The following PRDM11 variants were observed in gnomAD, a reference collection of about 807,000 sequenced individuals.
PRDM11 encodes PR/SET domain 11, also known as PR domain-containing protein 11.
A neutral mutation model predicts 97.8 loss-of-function variants in PRDM11; 20 were observed. The ratio of observed to expected loss-of-function variants is 0.20; its 90% CI spans 0.14 to 0.30. The LOEUF (loss-of-function observed/expected upper bound fraction) is 0.30, where lower values mean the gene tolerates loss of function less well. Among genes scored for constraint, PRDM11 ranks in the 10% least tolerant of loss-of-function variants. The pLI, the probability that PRDM11 is intolerant of heterozygous loss-of-function variation, is 1.00. For synonymous variants in PRDM11, 599 were observed against 637.7 expected (o/e 0.94, Z 0.91); for missense variants, 1,139 against 1,555.2 (o/e 0.73, Z 4.50).
chr11:45,214,372 A>C, intron 5 of PRDM11: 5 of 150,306 alleles, frequency 3.3e-5, no homozygotes, highest in East Asian at 2.0e-4. Flanking sequence ...CCCCCAGCCA[A>C]CCCCTCCACC....
rs542215475 is a variant in PRDM11, at chr11:45,229,881, G to A, written c.*1722G>A. 13 of 152,208 alleles carry A rather than the reference G, an allele frequency of 8.5e-5. No homozygotes were observed. Among genetic ancestry groups the A allele is most frequent in the Non-Finnish European group, 1.5e-5 (1 of 68,018 alleles). 9.4% of individuals were successfully genotyped at this position (152,208 alleles called of 1,614,324 possible). On this transcript the variant is annotated 3_prime_UTR_variant, in exon 8 of 8. Coordinates refer to ENST00000683152, the MANE Select transcript of PRDM11 (RefSeq NM_001384648.1). ...AGGCCCCAATGTCTTCAGCCTGCTTGGTTCAGACATTATAAAACTGTGGTG... is the reference window on the plus strand; with the variant it reads ...AGGCCCCAATGTCTTCAGCCTGCTTAGTTCAGACATTATAAAACTGTGGTG...
intron 4 of PRDM11, among the ~76,000 whole-genome samples, chr11:45,196,399 G>A (rs1422043443): frequency 6.6e-6 from 1 of 152,062 alleles, no homozygotes; most frequent in Non-Finnish European, 1.5e-5. Context: ...GGTTAACTTG[G>A]AAGACTCTTC....
chr11:45,222,654 T>A (rs1027599644), intron 6 of PRDM11, among the ~76,000 whole-genome samples: 2 of 152,168 alleles, frequency 1.3e-5, no homozygotes, highest in African/African-American at 4.8e-5. Context: ...GATAACTCCC[T>A]TTTGTGCTGT....
chr11:45,111,651 C>T (rs1227429667), intron 1 of PRDM11, among the ~76,000 whole-genome samples: 2 of 152,194 alleles, frequency 1.3e-5, no homozygotes, highest in Non-Finnish European at 2.9e-5. Context: ...GTGGGAGTGG[C>T]TTTCCTCACT....
In PRDM11 at chr11:45,227,991, G is replaced by T; in HGVS notation, c.3366G>T (p.Pro1122=). The T allele has an allele frequency of 1.3e-6, 2 of 1,533,786 alleles. No homozygotes were observed. The highest frequency in any genetic ancestry group is 1.4e-5 in the African/African-American group (1 of 73,022). ...SDLLTIAVNG[P]PITNFDAKRA... is the part of the protein sequence containing the mutation. ...TGTTGACAATCGCTGTAAACGGACC[G>T]CCAATCACCAACTTTGATGCCAAGC... The change falls in exon 8 of 8, where the codon CCG becomes CCT. Residue 1122 remains proline, a synonymous_variant. Coordinates refer to ENST00000683152, the MANE Select transcript of PRDM11 (RefSeq NM_001384648.1). This position sits in a 1 kb window ranked among gnomAD's most constrained non-coding sequence, Gnocchi z 8.0.
chr11:45,131,811 G>T (rs537471367), intron 1 of PRDM11, among the ~76,000 whole-genome samples: 1 of 152,332 alleles, frequency 6.6e-6, no homozygotes, highest in East Asian at 1.9e-4. Context: ...AATAAGGGCA[G>T]ATTATTATCT....
chr11:45,119,925 T>G (rs564261434), intron 1 of PRDM11, among the ~76,000 whole-genome samples: 2 of 152,258 alleles, frequency 1.3e-5, no homozygotes, highest in African/African-American at 4.8e-5. Context: ...CTGACCCAGT[T>G]ACTGGAGTTA....
At chr11:45,154,294 T>C (rs1006697811) in intron 1 of PRDM11, among the ~76,000 whole-genome samples, 4 of 152,152 alleles carry the variant, frequency 2.6e-5, no homozygotes, top group African/African-American at 9.7e-5. Flanking sequence ...AGATCGAGGC[T>C]GTGATGAGCT....
intron 1 of PRDM11, among the ~76,000 whole-genome samples, chr11:45,114,926 C>T (rs1025182398): frequency 6.6e-6 from 1 of 152,076 alleles, no homozygotes; most frequent in African/African-American, 2.4e-5. Flanking sequence ...GCCAGTAGAC[C>T]TGTTTCACAA....
At chr11:45,155,053 T>G (rs1851758537) in intron 1 of PRDM11, among the ~76,000 whole-genome samples, 1 of 151,976 alleles carries the variant, frequency 6.6e-6, no homozygotes, top group South Asian at 2.1e-4. Context: ...GGTGGGCGCC[T>G]TCCCCCAGGC....
chr11:45,199,332 A>G (rs949008414), intron 4 of PRDM11, among the ~76,000 whole-genome samples: 12 of 152,156 alleles, frequency 7.9e-5, no homozygotes, highest in African/African-American at 2.9e-4. Context: ...TTCTTGTCCT[A>G]TCTTAGGACT....
intron 4 of PRDM11, among the ~76,000 whole-genome samples, chr11:45,185,776 T>A (rs1345746653): frequency 1.3e-5 from 2 of 152,146 alleles, no homozygotes; most frequent in Non-Finnish European, 2.9e-5. Context: ...CCTGTCCTAA[T>A]CCCTAGAACT....
chr11:45,149,629 C>T (rs1021043539), intron 1 of PRDM11, among the ~76,000 whole-genome samples: 1 of 152,204 alleles, frequency 6.6e-6, no homozygotes, highest in African/African-American at 2.4e-5. Flanking sequence ...CACGTCACTT[C>T]TGGGCCACAG....
intron 1 of PRDM11, among the ~76,000 whole-genome samples, chr11:45,132,163 C>T (rs1438884660): frequency 1.3e-5 from 2 of 152,220 alleles, no homozygotes; most frequent in Admixed American, 1.3e-4. Flanking sequence ...TTATCTTAAA[C>T]CAATCATGAT....
chr11:45,212,317 C>T (rs913151573), intron 5 of PRDM11, among the ~76,000 whole-genome samples: 4 of 152,142 alleles, frequency 2.6e-5, no homozygotes, highest in Admixed American at 6.5e-5. Flanking sequence ...ATTTGGGGAA[C>T]GTGGATTTCT....
chr11:45,209,995 G>C (rs555079933), intron 5 of PRDM11, among the ~76,000 whole-genome samples: 2 of 152,148 alleles, frequency 1.3e-5, no homozygotes, highest in Non-Finnish European at 2.9e-5. Context: ...ACGAGGCCCC[G>C]CATCAGGAAG....
chr11:45,174,625 T>G (rs1003326011), intron 1 of PRDM11, among the ~76,000 whole-genome samples: 1 of 152,234 alleles, frequency 6.6e-6, no homozygotes, highest in African/African-American at 2.4e-5. Flanking sequence ...GGATTCCTCC[T>G]TTCTCCTAAC....
At chr11:45,183,253 G>A in intron 4 of PRDM11, 130 bp downstream of exon 4, 2 of 1,255,952 alleles carry the variant, frequency 1.6e-6, no homozygotes, top group Admixed American at 5.8e-5. Context: ...TGTCGATGAT[G>A]GATCTTGCTG....
intron 1 of PRDM11, among the ~76,000 whole-genome samples, chr11:45,150,562 A>G (rs1023385903): frequency 2.6e-5 from 4 of 152,204 alleles, no homozygotes; most frequent in Admixed American, 6.5e-5. Flanking sequence ...AGGAGGTGTT[A>G]GGCATAGCTG....
Sources: allele counts gnomAD v4.1 joint callset (sites outside exome capture counted in the v4.1 genomes callset), GRCh38; gene constraint gnomAD v4.1.1; non-coding constraint Gnocchi (gnomAD v3.1); transcripts MANE v1.5; gene names NCBI Gene and HGNC (gene_info 2026-07-23, HGNC 2026-07-21).